Variants in EXOC2 observed in about 807,000 individuals in gnomAD.
EXOC2 encodes SEC5-like 1.
EXOC2 carries 70 observed loss-of-function variants against 131.8 expected under a neutral mutation model. The observed-to-expected ratio is 0.53, with a 90% CI of 0.44 to 0.65. EXOC2 has a LOEUF of 0.65. EXOC2 is among the 30% of genes least tolerant of loss of function. The pLI is 0.00. For missense variants in EXOC2, 923 were observed against 1,108.6 expected (o/e 0.83, Z 2.38); for synonymous variants, 411 against 398.4 (o/e 1.03, Z -0.38).
At chr6:493,288 A>C (rs1763539002) in intron 25 of EXOC2, among the ~76,000 whole-genome samples, 1 of 152,230 alleles carries the variant, frequency 6.6e-6, no homozygotes, top group Non-Finnish European at 1.5e-5. Flanking sequence ...GAAGCCTGAA[A>C]AACAGTATAT....
chr6:670,439 T>C (rs1442214117), intron 1 of EXOC2: 1 of 151,974 alleles, frequency 6.6e-6, no homozygotes, highest in Admixed American at 6.6e-5. Flanking sequence ...CTGAGGATAA[T>C]CCACTGTGGT....
intron 23 of EXOC2, among the ~76,000 whole-genome samples, chr6:514,589 C>T (rs1229557690): frequency 6.6e-6 from 1 of 152,228 alleles, no homozygotes; most frequent in African/African-American, 2.4e-5. Context: ...TGGTTTGGAG[C>T]CCCTGGTGTG....
intron 7 of EXOC2, among the ~76,000 whole-genome samples, chr6:608,959 T>A (rs777160730): frequency 5.9e-5 from 9 of 152,198 alleles, no homozygotes; most frequent in Non-Finnish European, 1.3e-4. Context: ...ATTCAGAATA[T>A]CTTCATTTTA....
rs754717014 is a variant in EXOC2, at chr6:576,766, G to C, written c.1309C>G (p.Arg437Gly). ...GGAGGGAGATACTTACTGTCGTCTC[G>C]ACCAGACTGAAAGCTGCTGCCCCTC... ...LKRGSSFQSG[R>G]DDTWRYKTPH... The change falls in exon 12 of 28, where the codon CGA becomes GGA. Residue 437 changes from arginine (R) to glycine (G), a missense_variant. Coordinates refer to ENST00000230449, the MANE Select transcript of EXOC2 (RefSeq NM_018303.6). 3 of 1,613,752 alleles carry C rather than the reference G, an allele frequency of 1.9e-6. No homozygotes were observed. The highest frequency in any genetic ancestry group is 1.3e-5 in the African/African-American group (1 of 75,008).
At chr6:488,938 G>A in intron 27 of EXOC2, 41 bp downstream of exon 27, 1 of 1,581,744 alleles carries the variant, frequency 6.3e-7, no homozygotes, top group Non-Finnish European at 8.6e-7. Flanking sequence ...ACCTTGTTGA[G>A]CACATTCAAC....
At chr6:494,314 G>C (rs2175897) in intron 25 of EXOC2, among the ~76,000 whole-genome samples, 7,835 of 152,248 alleles carry the variant, frequency 0.051, 308 homozygotes, top group East Asian at 0.092. Flanking sequence ...GTGAATGCCT[G>C]TTTACTCACA....
intron 23 of EXOC2, among the ~76,000 whole-genome samples, chr6:505,374 C>T (rs1023535589): frequency 6.6e-5 from 10 of 152,122 alleles, no homozygotes; most frequent in Non-Finnish European, 1.0e-4. Context: ...GTGGCCTGAG[C>T]GAAGAGGATC....
intron 17 of EXOC2, among the ~76,000 whole-genome samples, chr6:558,019 C>T (rs570172432): frequency 1.2e-4 from 18 of 152,254 alleles, no homozygotes; most frequent in Admixed American, 2.6e-4. Flanking sequence ...GGGCTTCATC[C>T]GGAGCAGCGA....
chr6:568,321 T>C lies in EXOC2; in HGVS notation c.1444-3392A>G, dbSNP rs76449534. On this transcript the variant is annotated intron_variant, in intron 13 of 27. Coordinates refer to ENST00000230449, the MANE Select transcript of EXOC2 (RefSeq NM_018303.6). ...TCCCATGAGTTAGAGGCACTCCTCC[T>C]GTCTGACTGCCTTCAAGCTGGGACA... 5.2e-3 allele frequency among the ~76,000 whole-genome samples: 796 copies of C among 152,358 alleles called. 39 individuals carry two copies. The East Asian group carries it at 0.11, about 22-fold the overall frequency.
intron 1 of EXOC2, among the ~76,000 whole-genome samples, chr6:651,089 C>A (rs796080839): frequency 6.6e-6 from 1 of 150,514 alleles, no homozygotes; most frequent in African/African-American, 2.5e-5. Context: ...AGGGCAGTAG[C>A]GTGTGATCTC....
chr6:656,452 G>A (rs1233970188), intron 1 of EXOC2: 20 of 1,613,106 alleles, frequency 1.2e-5, no homozygotes, highest in Non-Finnish European at 1.6e-5. Context: ...ATGCTCCTCA[G>A]CGTCCTCCAG....
intron 6 of EXOC2, 57 bp downstream of exon 6, chr6:617,654 C>T: frequency 1.9e-6 from 3 of 1,578,966 alleles, no homozygotes; most frequent in East Asian, 2.3e-5. Context: ...ACCCTGCAGG[C>T]AGTGCCGGGT....
chr6:541,912 G>T (rs1756572146), intron 22 of EXOC2, among the ~76,000 whole-genome samples: 1 of 152,096 alleles, frequency 6.6e-6, no homozygotes, highest in African/African-American at 2.4e-5. Flanking sequence ...AGAAGAAAAA[G>T]GAATATATTC....
At chr6:577,375 T>G (rs141288235) in intron 11 of EXOC2, among the ~76,000 whole-genome samples, 1 of 152,214 alleles carries the variant, frequency 6.6e-6, no homozygotes, top group Non-Finnish European at 1.5e-5. Context: ...ACACTTCATA[T>G]GCCAGAAGCC....
intron 1 of EXOC2, among the ~76,000 whole-genome samples, chr6:647,449 C>T (rs2127731613): frequency 6.7e-6 from 1 of 150,166 alleles, no homozygotes; most frequent in East Asian, 2.0e-4. Context: ...GTCTCTTCAC[C>T]TGAAGACACT....
chr6:656,402 C>T (rs751937741), intron 1 of EXOC2: 1 of 1,614,230 alleles, frequency 6.2e-7, no homozygotes, highest in East Asian at 2.2e-5. Flanking sequence ...GGTTTGCTTC[C>T]ACCAGCACGT....
In EXOC2 at chr6:501,167, T is replaced by C. The variant is rs1290948158; in HGVS notation, c.2381-1467A>G. Among the ~76,000 whole-genome samples the C allele has an allele frequency of 3.5e-4, 9 of 25,514 alleles. 2 individuals are homozygous for C. Among genetic ancestry groups the C allele is most frequent in the Admixed American group, 9.8e-4 (1 of 1,022 alleles). 16.7% of individuals were successfully genotyped at this position (25,514 alleles called of 152,430 possible). Reference sequence around the variant, plus strand: ...ATATATTATATATATCTATATATATTATATATATCTATATATTATATATAT... The same window carrying C: ...ATATATTATATATATCTATATATATCATATATATCTATATATTATATATAT... On this transcript the variant is annotated intron_variant, in intron 23 of 27. Coordinates refer to ENST00000230449, the MANE Select transcript of EXOC2 (RefSeq NM_018303.6).
rs778690807 is a variant in EXOC2 at position 506,439 on chromosome 6, G to C, written c.2381-6739C>G. Among the ~76,000 whole-genome samples the C allele has an allele frequency of 7.2e-5, 11 of 152,146 alleles. No individual in the cohort carries two copies. The highest frequency in any genetic ancestry group is 1.3e-4 in the Non-Finnish European group (9 of 68,036). On this transcript the variant is annotated intron_variant, in intron 23 of 27. Transcript: ENST00000230449. The surrounding 1 kb of genome is among the most constrained non-coding windows in gnomAD (Gnocchi z 4.4). The stretch of plus-strand genomic sequence containing the variant: ...GTGCCAAGAAAAATACAAGGCAAAC[G>C]GATTTGCTCCTTGGAGTTAAAGGCT...
chr6:597,896 T>A (rs1197452737), intron 10 of EXOC2, 125 bp downstream of exon 10: 3 of 642,594 alleles, frequency 4.7e-6, no homozygotes, highest in Non-Finnish European at 8.0e-6. Context: ...ATTTCTGCTA[T>A]TTGTCTTCCC....
Sources: gnomAD v4.1 joint callset for allele counts (sites outside exome capture counted in the v4.1 genomes callset) on GRCh38, gnomAD v4.1.1 for gene constraint, Gnocchi (gnomAD v3.1) non-coding constraint, MANE v1.5 for transcripts, NCBI Gene and HGNC (gene_info 2026-07-23, HGNC 2026-07-21) for gene names.